The following ABI1 variants were observed in gnomAD, a reference collection of about 807,000 sequenced individuals.
ABI1 encodes abl interactor 1.
A neutral mutation model predicts 54.6 loss-of-function variants in ABI1; 14 were observed. The ratio of observed to expected loss-of-function variants is 0.26; its 90% CI spans 0.17 to 0.40. The LOEUF is 0.40. Ranked by LOEUF, ABI1 falls within the 10% of genes least tolerant of loss-of-function variation. The probability of loss-of-function intolerance (pLI) is 1.00; values close to 1 mark genes in which losing one functional copy is unlikely to be tolerated. For synonymous variants in ABI1, 194 were observed against 209.3 expected (o/e 0.93, Z 0.63); for missense variants, 443 against 598.3 (o/e 0.74, Z 2.71).
chr10:26,839,652 A>T (rs2049338749), intron 1 of ABI1: 10 of 221,430 alleles, frequency 4.5e-5, no homozygotes, highest in South Asian at 1.5e-4. Context: ...ACTTCTGTTT[A>T]AAAAAAAAAA....
intron 2 of ABI1, among the ~76,000 whole-genome samples, chr10:26,794,109 CAT>C (rs922686920): frequency 6.6e-6 from 1 of 151,952 alleles, no homozygotes; most frequent in South Asian, 2.1e-4. Flanking sequence ...CCGGGCATGA[CAT>C]GTGCGCCTGT....
chr10:26,790,486 T>C (rs1401066341), intron 2 of ABI1: 1 of 152,154 alleles, frequency 6.6e-6, no homozygotes, highest in Non-Finnish European at 1.5e-5. Flanking sequence ...TTAATGGGGT[T>C]GTTTTTTTTT....
At chr10:26,824,090 G>GAA (rs75195830) in intron 1 of ABI1, among the ~76,000 whole-genome samples, 12 of 147,260 alleles carry the variant, frequency 8.1e-5, no homozygotes, top group African/African-American at 2.7e-4. Flanking sequence ...GTTCTACACA[G>GAA]AAAAAAAAAA....
At chr10:26,810,495 T>C (rs555727261) in intron 2 of ABI1, among the ~76,000 whole-genome samples, 2 of 152,356 alleles carry the variant, frequency 1.3e-5, no homozygotes, top group South Asian at 4.1e-4. Context: ...AATGTTTTTA[T>C]AACACCTCAG....
At chr10:26,815,394 A>C (rs1299625995) in intron 2 of ABI1, among the ~76,000 whole-genome samples, 1 of 152,208 alleles carries the variant, frequency 6.6e-6, no homozygotes, top group African/African-American at 2.4e-5. Context: ...AAATAACTAC[A>C]TCTGTATGAA....
At chr10:26,765,145 A>G (rs1839766763) in intron 7 of ABI1, 73 bp downstream of exon 7, 1 of 1,094,442 alleles carries the variant, frequency 9.1e-7, no homozygotes, top group Admixed American at 2.8e-5. Flanking sequence ...AATATGACTA[A>G]TTTATTTCAG....
intron 2 of ABI1, among the ~76,000 whole-genome samples, chr10:26,810,294 T>C (rs1312007535): frequency 6.6e-6 from 1 of 152,278 alleles, no homozygotes; most frequent in African/African-American, 2.4e-5. Context: ...ATGGTAGGAA[T>C]GAAGCCATAA....
intron 6 of ABI1, among the ~76,000 whole-genome samples, chr10:26,768,338 G>T (rs1840216119): frequency 6.6e-6 from 1 of 151,806 alleles, no homozygotes; most frequent in Middle Eastern, 3.4e-3. Context: ...CTGAGGTTGG[G>T]AGTTGGAAAC....
intron 1 of ABI1, among the ~76,000 whole-genome samples, chr10:26,835,677 T>G (rs2049018780): frequency 1.3e-5 from 2 of 152,140 alleles, no homozygotes; most frequent in African/African-American, 4.8e-5. Flanking sequence ...GAGTGGTTAT[T>G]TCTGAGTTGT....
intron 1 of ABI1, among the ~76,000 whole-genome samples, chr10:26,836,393 G>A (rs1490869447): frequency 2.6e-5 from 4 of 152,084 alleles, no homozygotes; most frequent in Admixed American, 2.0e-4. Flanking sequence ...GATTACAGAC[G>A]TGAGCCACTA....
In ABI1 at chr10:26,860,299, G is replaced by C. The variant is rs2051196584; in HGVS notation, c.117+448C>G. On this transcript the variant is annotated intron_variant, in intron 1 of 10. Transcript: ENST00000376140. The surrounding 1 kb of genome is among the most constrained non-coding windows in gnomAD (Gnocchi z 4.1). ...CTTCTGCGGCTTCAGCCTCGTCCCTGCCCTCTCCTCTCCCCTCTCCCGTCC... is the reference window on the plus strand; with the variant it reads ...CTTCTGCGGCTTCAGCCTCGTCCCTCCCCTCTCCTCTCCCCTCTCCCGTCC... Among the ~76,000 whole-genome samples the C allele has an allele frequency of 6.6e-6, 1 of 151,968 alleles. No homozygotes were observed.
At chr10:26,793,214 G>C (rs111412206) in intron 2 of ABI1, among the ~76,000 whole-genome samples, 105 of 152,340 alleles carry the variant, frequency 6.9e-4, no homozygotes, top group African/African-American at 2.5e-3. Flanking sequence ...GGCAGAAGAA[G>C]AGAGTCCTGA....
chr10:26,766,329 C>G (rs1354791706), intron 6 of ABI1, among the ~76,000 whole-genome samples: 3 of 152,144 alleles, frequency 2.0e-5, no homozygotes, highest in Non-Finnish European at 2.9e-5. Context: ...GGTATAAGAT[C>G]TTGTGCCATC....
chr10:26,845,714 T>C lies in ABI1; in HGVS notation c.117+15033A>G, dbSNP rs367574672. ...ACCTAACAGACAGTCTTCCATAGAG[T>C]AGGCAATTAACTATTTGTTGAATGA... On this transcript the variant is annotated intron_variant, in intron 1 of 10. Transcript: ENST00000376140. Among the ~76,000 whole-genome samples the C allele has an allele frequency of 4.1e-4, 63 of 152,244 alleles. 1 individual carries two copies. The South Asian group carries it at 0.013, about 32-fold the overall frequency.
intron 9 of ABI1, among the ~76,000 whole-genome samples, chr10:26,753,166 C>A (rs368628688): frequency 2.6e-5 from 4 of 152,084 alleles, no homozygotes; most frequent in Admixed American, 1.3e-4. Context: ...TTTATCCTCT[C>A]GAGGGATGAA....
intron 2 of ABI1, among the ~76,000 whole-genome samples, chr10:26,812,800 C>A (rs1256146161): frequency 6.6e-6 from 1 of 152,168 alleles, no homozygotes; most frequent in Non-Finnish European, 1.5e-5. Flanking sequence ...TCTGTAACCT[C>A]ATTTTAACTT....
chr10:26,786,258 G>C (rs1842724582), intron 2 of ABI1, among the ~76,000 whole-genome samples: 1 of 150,726 alleles, frequency 6.6e-6, no homozygotes, highest in Non-Finnish European at 1.5e-5. Flanking sequence ...CTGTCGCCTA[G>C]GCTGGAGTTC....
chr10:26,751,578 A>C lies in ABI1; in HGVS notation c.1270+20T>G. On this transcript the variant is annotated intron_variant, in intron 10 of 10. Transcript: ENST00000376140. Reference sequence around the variant, plus strand: ...AATTAGGTTATTTTCCTTCACATCAACTCAATGACTGTACCTTACCTTTCT... The same window carrying C: ...AATTAGGTTATTTTCCTTCACATCACCTCAATGACTGTACCTTACCTTTCT... 1 of 1,597,724 alleles carries C rather than the reference A, an allele frequency of 6.3e-7. No homozygotes were observed.
At chr10:26,840,885 T>C (rs979319175) in intron 1 of ABI1, among the ~76,000 whole-genome samples, 13 of 152,218 alleles carry the variant, frequency 8.5e-5, no homozygotes, top group Admixed American at 3.3e-4. Context: ...CCTCAGTATA[T>C]GGGCCACACC....
Sources: allele counts gnomAD v4.1 joint callset (sites outside exome capture counted in the v4.1 genomes callset), GRCh38; gene constraint gnomAD v4.1.1; non-coding constraint Gnocchi (gnomAD v3.1); transcripts MANE v1.5; gene names NCBI Gene and HGNC (gene_info 2026-07-23, HGNC 2026-07-21).